Variants in RAB8B observed in about 807,000 individuals in gnomAD.
RAB8B encodes the protein ras-related protein Rab-8B.
RAB8B carries 11 observed loss-of-function variants against 32.0 expected under a neutral mutation model. That is an observed-to-expected ratio of 0.34 (90% CI 0.22 to 0.57). The LOEUF is 0.57. RAB8B is among the 20% of genes least tolerant of loss of function. The pLI is 0.86. For missense variants in RAB8B, 190 were observed against 258.5 expected (o/e 0.73, Z 1.82); for synonymous variants, 103 against 89.6 (o/e 1.15, Z -0.85).
intron 1 of RAB8B, among the ~76,000 whole-genome samples, chr15:63,211,547 GC>G (rs1225083130): frequency 6.6e-6 from 1 of 152,166 alleles, no homozygotes; most frequent in Non-Finnish European, 1.5e-5. Flanking sequence ...CCTTTATAAA[GC>G]TTCCTGATAC....
chr15:63,200,553 C>T (rs892765341), intron 1 of RAB8B, among the ~76,000 whole-genome samples: 1 of 149,968 alleles, frequency 6.7e-6, no homozygotes, highest in African/African-American at 2.5e-5. Context: ...TTTGGGAGGC[C>T]AAGGAGGGAG....
At chr15:63,225,215 T>G (rs1036146831) in intron 1 of RAB8B, among the ~76,000 whole-genome samples, 5 of 152,244 alleles carry the variant, frequency 3.3e-5, no homozygotes, top group Non-Finnish European at 5.9e-5. Flanking sequence ...TTAACCGTGT[T>G]GGAGTTTTTA....
At chr15:63,223,137 A>T in intron 1 of RAB8B, 1 of 440,804 alleles carries the variant, frequency 2.3e-6, no homozygotes, top group Non-Finnish European at 4.5e-6. Context: ...TTTGAGACGG[A>T]ATCTTGCTCT....
intron 1 of RAB8B, among the ~76,000 whole-genome samples, chr15:63,194,087 C>T (rs538950800): frequency 3.3e-4 from 50 of 152,242 alleles, no homozygotes; most frequent in African/African-American, 1.1e-3. Context: ...GCCCTGCCCC[C>T]TTCTTCCTGT....
chr15:63,209,384 A>G (rs2037727665), intron 1 of RAB8B, among the ~76,000 whole-genome samples: 2 of 151,940 alleles, frequency 1.3e-5, no homozygotes, highest in Non-Finnish European at 2.9e-5. Context: ...TGAAGTCAGG[A>G]GTTTGAGACC....
chr15:63,251,454 G>A (rs1281559949), intron 3 of RAB8B: 1 of 373,690 alleles, frequency 2.7e-6, no homozygotes, highest in East Asian at 7.7e-5. Flanking sequence ...ACTGGAGGGT[G>A]GGCAGTGGCA....
intron 5 of RAB8B, 65 bp downstream of exon 5, chr15:63,256,659 T>G: frequency 8.6e-7 from 1 of 1,162,130 alleles, no homozygotes; most frequent in East Asian, 2.7e-5. Flanking sequence ...TTTCTTCATA[T>G]TATTTAATTA....
chr15:63,202,089 T>TAAA (rs146981058), intron 1 of RAB8B, among the ~76,000 whole-genome samples: 2 of 85,770 alleles, frequency 2.3e-5, no homozygotes, highest in Non-Finnish European at 4.4e-5. Context: ...CCGTCTCTAC[T>TAAA]AAAAAAAAAA....
At chr15:63,219,019 T>TA (rs1271798961) in intron 1 of RAB8B, among the ~76,000 whole-genome samples, 3 of 144,666 alleles carry the variant, frequency 2.1e-5, no homozygotes, top group African/African-American at 7.6e-5. Flanking sequence ...TTTTTTTTTT[T>TA]TTTTTTTTTT....
chr15:63,244,734 T>C (rs781476212), intron 1 of RAB8B, 22 bp from the exon 2 acceptor site: 7 of 1,519,252 alleles, frequency 4.6e-6, no homozygotes, highest in Non-Finnish European at 4.5e-6. Context: ...ACTTAACATA[T>C]CTTTCTTTGT....
chr15:63,197,345 T>TCTTTC (rs1433111924), intron 1 of RAB8B, among the ~76,000 whole-genome samples: 10 of 146,422 alleles, frequency 6.8e-5, no homozygotes, highest in African/African-American at 2.3e-4. Flanking sequence ...TTCTTTTTTT[T>TCTTTC]TTTCTTTCTT....
At chr15:63,244,369 T>G (rs1306680354) in intron 1 of RAB8B, among the ~76,000 whole-genome samples, 1 of 152,168 alleles carries the variant, frequency 6.6e-6, no homozygotes, top group African/African-American at 2.4e-5. Context: ...GGAATATTCT[T>G]TAAAGAGGTC....
Position 63,232,664 on chromosome 15 carries a change from A to G in RAB8B, c.125-12092A>G, listed in dbSNP as rs148440200. Among the ~76,000 whole-genome samples the G allele has an allele frequency of 2.2e-3, 331 of 152,344 alleles. 1 individual carries two copies. Among genetic ancestry groups the G allele is most frequent in the African/African-American group, 7.5e-3 (312 of 41,580 alleles). On this transcript the variant is annotated intron_variant, in intron 1 of 7. Transcript: ENST00000321437. ...ATAGGATGGAAGAACCAAACACGTCAGAAAATTCTAGTCCATCTTCTTAGT... is the reference window on the plus strand; with the variant it reads ...ATAGGATGGAAGAACCAAACACGTCGGAAAATTCTAGTCCATCTTCTTAGT...
At chr15:63,191,407 T>C (rs2037555107) in intron 1 of RAB8B, among the ~76,000 whole-genome samples, 1 of 152,240 alleles carries the variant, frequency 6.6e-6, no homozygotes, top group Admixed American at 6.5e-5. Flanking sequence ...TAAAATCTCC[T>C]GGGTGTTATG....
Position 63,259,504 on chromosome 15 carries a change from A to G in RAB8B, c.415-123A>G. 1 of 745,158 alleles carries G rather than the reference A, an allele frequency of 1.3e-6. No homozygotes were observed. Among genetic ancestry groups the G allele is most frequent in the South Asian group, 1.8e-5 (1 of 55,580 alleles). 46.2% of individuals were successfully genotyped at this position (745,158 alleles called of 1,614,324 possible). On this transcript the variant is annotated intron_variant, in intron 5 of 7. Transcript: ENST00000321437. This position sits in a 1 kb window ranked among gnomAD's most constrained non-coding sequence, Gnocchi z 4.4. ...CAGTAGAAGAAAGCAAAGAAATTTG[A>G]GAACCACAGGAGTTCTGAAATAGAT...
intron 6 of RAB8B, among the ~76,000 whole-genome samples, chr15:63,260,470 A>G (rs533605217): frequency 6.6e-6 from 1 of 152,346 alleles, no homozygotes; most frequent in Admixed American, 6.5e-5. Context: ...TTTAGTGGAA[A>G]TAGGAAAGTG....
chr15:63,244,725 C>T (rs2038058006), intron 1 of RAB8B, 31 bp from the exon 2 acceptor site: 2 of 1,498,402 alleles, frequency 1.3e-6, no homozygotes, highest in Non-Finnish European at 1.8e-6. Flanking sequence ...TCTGAAGAAA[C>T]TTAACATATC....
chr15:63,234,591 A>C (rs1005900165), intron 1 of RAB8B, among the ~76,000 whole-genome samples: 6 of 152,182 alleles, frequency 3.9e-5, no homozygotes, highest in Non-Finnish European at 8.8e-5. Flanking sequence ...GCCTCCAGCG[A>C]CATCACTGGT....
intron 1 of RAB8B, among the ~76,000 whole-genome samples, chr15:63,224,838 C>T (rs1245438409): frequency 6.6e-6 from 1 of 152,194 alleles, no homozygotes; most frequent in Non-Finnish European, 1.5e-5. Context: ...CCAGGGTGGA[C>T]TCTAAAGGGT....
Sources: gnomAD v4.1 joint callset for allele counts (sites outside exome capture counted in the v4.1 genomes callset) on GRCh38, gnomAD v4.1.1 for gene constraint, Gnocchi (gnomAD v3.1) non-coding constraint, MANE v1.5 for transcripts, NCBI Gene and HGNC (gene_info 2026-07-23, HGNC 2026-07-21) for gene names.